Variants in PRAG1 observed in about 807,000 individuals in gnomAD.
PRAG1 encodes inactive tyrosine-protein kinase PRAG1.
A neutral mutation model predicts 95.6 loss-of-function variants in PRAG1; 110 were observed. The observed-to-expected ratio is 1.15, with a 90% CI of 0.99 to 1.35. The LOEUF is 1.35. Ranked by LOEUF, PRAG1 falls within the 40% of genes most tolerant of loss-of-function variation. The pLI is 0.00. For synonymous variants in PRAG1, 1,052 were observed against 819.4 expected (o/e 1.28, Z -4.85); for missense variants, 2,554 against 1,864.7 (o/e 1.37, Z -6.81).
At chr8:8,360,448 A>G (rs190172975) in intron 3 of PRAG1, among the ~76,000 whole-genome samples, 2 of 152,308 alleles carry the variant, frequency 1.3e-5, no homozygotes, top group East Asian at 3.9e-4. Context: ...AAAATCCTAC[A>G]GGTGTGGGTC....
chr8:8,373,705 G>A (rs1326957263), intron 3 of PRAG1, among the ~76,000 whole-genome samples: 1 of 152,052 alleles, frequency 6.6e-6, no homozygotes, highest in Non-Finnish European at 1.5e-5. Context: ...TGCCTGCCTT[G>A]GCCTCCCAAA....
intron 3 of PRAG1, among the ~76,000 whole-genome samples, chr8:8,360,666 T>C (rs988562085): frequency 1.3e-5 from 2 of 152,240 alleles, no homozygotes; most frequent in African/African-American, 4.8e-5. Context: ...AGTTTTAACA[T>C]TCCTTGCCCA....
chr8:8,329,569 G>C (rs1798754904), intron 4 of PRAG1, among the ~76,000 whole-genome samples: 1 of 152,106 alleles, frequency 6.6e-6, no homozygotes, highest in South Asian at 2.1e-4. Context: ...AAAAGCATAG[G>C]AGAAGACAAG....
At position 8,376,757 on chromosome 8, in the gene PRAG1, C is replaced by T. The variant is rs374019452; in HGVS notation, c.1652G>A (p.Ser551Asn). The T allele has an allele frequency of 1.2e-6, 2 of 1,610,246 alleles. No individual in the cohort carries two copies. Among genetic ancestry groups the T allele is most frequent in the South Asian group, 1.1e-5 (1 of 91,058 alleles). Residue 551 changes from serine to asparagine, a missense_variant, in exon 3 of 6, where the codon AGT (serine) becomes AAT (asparagine). Physicochemically the swap from Ser to Asn is conservative, Grantham distance 46. Transcript: ENST00000615670. The part of the protein sequence containing the change: ...RPAIPPKLSK[S>N]SPVGSPVSPS... ...TGACACCGGGGACCCTACAGGGCTA[C>T]TCTTGGACAACTTGGGGGGAATGGC...
chr8:8,318,256 G>A lies in PRAG1; in HGVS notation c.4119C>T (p.Arg1373=), dbSNP rs1286795246. The change falls in exon 6 of 6, where the codon CGC becomes CGT. Residue 1373 remains arginine, a synonymous_variant. Coordinates refer to ENST00000615670, the MANE Select transcript of PRAG1 (RefSeq NM_001080826.3). The surrounding 1 kb of genome is among the most constrained non-coding windows in gnomAD (Gnocchi z 4.2). Reference sequence around the variant, plus strand: ...AGTCCTCCAGCTCCACGCCCCGCCTGCGATCCACCGCCTTCTCCGCAAACT... The same window carrying A: ...AGTCCTCCAGCTCCACGCCCCGCCTACGATCCACCGCCTTCTCCGCAAACT... ...MMKFAEKAVD[R]RRGVELEDWL... The A allele has an allele frequency of 3.7e-6, 6 of 1,614,082 alleles. No homozygotes were observed. The African/African-American group carries it at 5.3e-5, about 14-fold the overall frequency.
chr8:8,338,160 C>T (rs1191008748), intron 4 of PRAG1, among the ~76,000 whole-genome samples: 3 of 152,212 alleles, frequency 2.0e-5, no homozygotes, highest in African/African-American at 7.2e-5. Context: ...ATAAGAAGCA[C>T]TCATGTTCTG....
chr8:8,336,942 A>T (rs1159747050), intron 4 of PRAG1, among the ~76,000 whole-genome samples: 2 of 133,560 alleles, frequency 1.5e-5, no homozygotes, highest in African/African-American at 5.7e-5. Context: ...TAAAGCATGA[A>T]TCACTAACTT....
At chr8:8,356,678 A>G (rs1799692899) in intron 3 of PRAG1, among the ~76,000 whole-genome samples, 1 of 152,184 alleles carries the variant, frequency 6.6e-6, no homozygotes, top group African/African-American at 2.4e-5. Context: ...TTTTGCAGAA[A>G]TAAAAGATAC....
In PRAG1 at chr8:8,376,684, A is replaced by G. The variant is rs199654083; in HGVS notation, c.1725T>C (p.Asp575=). The change falls in exon 3 of 6, where the codon GAT becomes GAC. Residue 575 remains aspartate, a synonymous_variant. Coordinates refer to ENST00000615670, the MANE Select transcript of PRAG1 (RefSeq NM_001080826.3). ...CAATGCTGCTGCCGCCAGAGCTCCCATCACTAAGGTCAGCCAGCGGTGACA... is the reference window on the plus strand; with the variant it reads ...CAATGCTGCTGCCGCCAGAGCTCCCGTCACTAAGGTCAGCCAGCGGTGACA... ...PPVSPLADLS[D]GSSGGSSIGP... 2.7e-4 allele frequency: 429 copies of G among 1,611,738 alleles called. 1 individual carries two copies. Among genetic ancestry groups the G allele is most frequent in the Non-Finnish European group, 3.6e-4 (420 of 1,179,878 alleles).
intron 2 of PRAG1, among the ~76,000 whole-genome samples, chr8:8,379,752 C>T (rs1057226230): frequency 3.3e-5 from 5 of 152,204 alleles, no homozygotes; most frequent in African/African-American, 1.2e-4. Flanking sequence ...CTAAAGACAG[C>T]AGATGCCAGC....
At chr8:8,346,162 G>T (rs1799335008) in intron 3 of PRAG1, among the ~76,000 whole-genome samples, 2 of 152,160 alleles carry the variant, frequency 1.3e-5, no homozygotes, top group Non-Finnish European at 2.9e-5. Context: ...TTTTTTAAAG[G>T]CACTTTTCCT....
chr8:8,329,434 A>G (rs1798750669), intron 4 of PRAG1, among the ~76,000 whole-genome samples: 1 of 152,056 alleles, frequency 6.6e-6, no homozygotes, highest in African/African-American at 2.4e-5. Context: ...GGAAATGTGT[A>G]CTTAGGATGT....
At chr8:8,362,373 T>C (rs1799870665) in intron 3 of PRAG1, among the ~76,000 whole-genome samples, 1 of 152,224 alleles carries the variant, frequency 6.6e-6, no homozygotes, top group Non-Finnish European at 1.5e-5. Context: ...AAGTACTTTG[T>C]CACACCCCTG....
intron 3 of PRAG1, among the ~76,000 whole-genome samples, chr8:8,346,382 C>T (rs73523411): frequency 0.14 from 20,924 of 152,226 alleles, 1,737 homozygotes; most frequent in African/African-American, 0.23. Flanking sequence ...AACTTCCTTT[C>T]GGCCTCCCAC....
At chr8:8,340,497 A>G (rs1799127851) in intron 3 of PRAG1, among the ~76,000 whole-genome samples, 1 of 152,194 alleles carries the variant, frequency 6.6e-6, no homozygotes, top group South Asian at 2.1e-4. Context: ...GCTGGTGGAA[A>G]CCCACATTTG....
chr8:8,318,427 G>C lies in PRAG1; in HGVS notation c.3948C>G (p.Ile1316Met), dbSNP rs887315586. The change falls in exon 6 of 6, where the codon ATC becomes ATG. Residue 1316 changes from isoleucine (I) to methionine (M), a missense_variant. Coordinates refer to ENST00000615670, the MANE Select transcript of PRAG1 (RefSeq NM_001080826.3). This position sits in a 1 kb window ranked among gnomAD's most constrained non-coding sequence, Gnocchi z 4.2. ...LLLEADPIKR[I>M]RIGEAKRVLQ... ...GCACGCGCTTGGCCTCGCCGATGCG[G>C]ATACGCTTGATGGGGTCGGCCTCCA... 6.2e-7 allele frequency: 1 copy of C among 1,612,916 alleles called. No individual in the cohort carries two copies. Among genetic ancestry groups the C allele is most frequent in the East Asian group, 2.2e-5 (1 of 44,876 alleles).
At chr8:8,320,022 G>C (rs1370011551) in intron 5 of PRAG1, among the ~76,000 whole-genome samples, 1 of 152,204 alleles carries the variant, frequency 6.6e-6, no homozygotes, top group Non-Finnish European at 1.5e-5. Context: ...CCTTGGAGCA[G>C]TTTGTTAGTT....
At position 8,377,390 on chromosome 8, in the gene PRAG1, C is replaced by A; in HGVS notation, c.1019G>T (p.Gly340Val). ...GCCGCTGCCGCTGCCACAAGAGAGG[C>A]CGTCGGAAGAAATGGCAGCCTCCGA... ...LTSEAAISSD[G>V]LSCGSGSGSG... The change falls in exon 3 of 6, where the codon GGC (glycine) becomes GTC (valine). Residue 340 changes from glycine (G) to valine (V), a missense_variant. By Grantham distance (109) the Gly-to-Val change is moderately radical (BLOSUM62 -3). Transcript: ENST00000615670. 6.3e-7 allele frequency: 1 copy of A among 1,586,990 alleles called. No individual in the cohort carries two copies. The highest frequency in any genetic ancestry group is 8.6e-7 in the Non-Finnish European group (1 of 1,167,850).
In PRAG1 at chr8:8,319,107, C is replaced by A. The variant is rs1033558547; in HGVS notation, c.3268G>T (p.Val1090Phe). The A allele has an allele frequency of 4.4e-6, 7 of 1,609,128 alleles. No individual in the cohort carries two copies. The highest frequency in any genetic ancestry group is 1.6e-4 in the Middle Eastern group (1 of 6,080). Residue 1090 changes from valine to phenylalanine, a missense_variant, in exon 6 of 6, where the codon GTC (valine) becomes TTC (phenylalanine). Transcript: ENST00000615670. ...TGATGTGGCACCTCTCGGGTGATGA[C>A]CACCACGCAGTCCTGCTCCTGGGCA... is the stretch of plus-strand genomic sequence containing the variant. ...PPAQEQDCVVVITREVPHQTA... is the reference protein window; with the variant it reads ...PPAQEQDCVVFITREVPHQTA...
Sources: allele counts gnomAD v4.1 joint callset (sites outside exome capture counted in the v4.1 genomes callset), GRCh38; gene constraint gnomAD v4.1.1; non-coding constraint Gnocchi (gnomAD v3.1); transcripts MANE v1.5; gene names NCBI Gene and HGNC (gene_info 2026-07-23, HGNC 2026-07-21).